CRY1: variants seen among roughly 807,000 people sequenced by gnomAD.
CRY1 encodes the protein cryptochrome-1.
CRY1 carries 45 observed loss-of-function variants against 76.0 expected under a neutral mutation model. The observed-to-expected ratio is 0.59, with a 90% CI of 0.47 to 0.76. The LOEUF is 0.76. Ranked by LOEUF, CRY1 falls within the 30% of genes least tolerant of loss-of-function variation. The pLI is 0.00. For missense variants in CRY1, 587 were observed against 716.4 expected, an observed-to-expected ratio of 0.82 and a Z score of 2.06; for synonymous variants, 248 against 244.0, an observed-to-expected ratio of 1.02 and a Z score of -0.15.
At chr12:106,992,042 T>C (rs1341181967) in intron 12 of CRY1, 41 bp from the exon 13 acceptor site, 1 of 152,148 alleles carries the variant, frequency 6.6e-6, no homozygotes, top group African/African-American at 2.4e-5. Flanking sequence ...TAAAGCTTGA[T>C]TGCAAATAAT....
At chr12:107,009,603 A>T (rs10861692) in intron 2 of CRY1, among the ~76,000 whole-genome samples, 568 of 7,592 alleles carry the variant, frequency 0.075, 31 homozygotes, top group East Asian at 0.28. Flanking sequence ...TATATATATA[A>T]AATCTCTATA....
At chr12:107,064,939 A>G (rs1001932396) in intron 1 of CRY1, among the ~76,000 whole-genome samples, 1 of 152,202 alleles carries the variant, frequency 6.6e-6, no homozygotes, top group African/African-American at 2.4e-5. Context: ...CTGGACAATG[A>G]TATCAAGCCA....
chr12:107,015,597 C>T (rs775822763), intron 2 of CRY1, among the ~76,000 whole-genome samples: 4 of 152,296 alleles, frequency 2.6e-5, no homozygotes, highest in East Asian at 1.9e-4. Flanking sequence ...TTAAGCAACA[C>T]GTAGTTACCT....
intron 1 of CRY1, among the ~76,000 whole-genome samples, chr12:107,070,567 G>A (rs1953176221): frequency 6.6e-6 from 1 of 151,928 alleles, no homozygotes; most frequent in Non-Finnish European, 1.5e-5. Flanking sequence ...AAACAAGGAA[G>A]AGACCTTACA....
chr12:107,054,235 G>A (rs968893079), intron 1 of CRY1, among the ~76,000 whole-genome samples: 6 of 151,984 alleles, frequency 3.9e-5, no homozygotes, highest in East Asian at 1.9e-4. Context: ...TAGAGTTTGC[G>A]TTTCAAGGGC....
intron 1 of CRY1, among the ~76,000 whole-genome samples, chr12:107,026,057 G>A (rs920803726): frequency 5.6e-5 from 4 of 71,992 alleles, no homozygotes. Context: ...TCCTTCAGAG[G>A]ATGAAAAAAT....
At chr12:107,043,484 T>C (rs1952821048) in intron 1 of CRY1, among the ~76,000 whole-genome samples, 1 of 152,134 alleles carries the variant, frequency 6.6e-6, no homozygotes, top group South Asian at 2.1e-4. Flanking sequence ...TATCACCCTC[T>C]GGGAATAGGT....
At chr12:107,042,474 A>G (rs1952809080) in intron 1 of CRY1, among the ~76,000 whole-genome samples, 1 of 152,214 alleles carries the variant, frequency 6.6e-6, no homozygotes, top group Non-Finnish European at 1.5e-5. Flanking sequence ...ATATAAAAAA[A>G]AGGCACATCA....
At chr12:107,030,061 AG>A in intron 1 of CRY1, among the ~76,000 whole-genome samples, 1 of 152,330 alleles carries the variant, frequency 6.6e-6, no homozygotes. Context: ...GCCTGCAACT[AG>A]GCCTTGTTCA....
intron 2 of CRY1, among the ~76,000 whole-genome samples, chr12:107,020,912 T>C (rs1300313325): frequency 1.3e-5 from 2 of 152,076 alleles, no homozygotes; most frequent in African/African-American, 2.4e-5. Context: ...AATTTTTTCA[T>C]TTGGAAAAAA....
At chr12:107,026,098 A>AACATATATATAAAATATATATATT (rs1565829006) in intron 1 of CRY1, among the ~76,000 whole-genome samples, 1 of 48,754 alleles carries the variant, frequency 2.1e-5, no homozygotes, top group East Asian at 7.9e-4. Context: ...TTATATATAT[A>AACATATATATAAAATATATATATT]ACATATATAT....
chr12:107,030,384 C>T (rs763117796), intron 1 of CRY1, among the ~76,000 whole-genome samples: 24 of 152,128 alleles, frequency 1.6e-4, no homozygotes, highest in Non-Finnish European at 3.2e-4. Context: ...TCTCTGACTC[C>T]AAACCATAGT....
Position 107,062,167 on chromosome 12 carries a change from A to G in CRY1, c.158+30637T>C, listed in dbSNP as rs541558917. Among the ~76,000 whole-genome samples the G allele has an allele frequency of 1.4e-4, 21 of 152,128 alleles. No individual in the cohort carries two copies. The South Asian group carries it at 4.1e-3, about 30-fold the overall frequency. ...GTCACAGAAGTAACTTTTTATTGAC[A>G]TCGTATTATGAATAAATGTTTTCAT... is the stretch of plus-strand genomic sequence containing the variant. On this transcript the variant is annotated intron_variant, in intron 1 of 12. Coordinates refer to ENST00000008527, the MANE Select transcript of CRY1 (RefSeq NM_004075.5).
In CRY1 at chr12:106,999,814, A is replaced by G. The variant is rs1952281831; in HGVS notation, c.874T>C (p.Trp292Arg). Residue 292 changes from tryptophan to arginine, a missense_variant, in exon 7 of 13, where the codon TGG (tryptophan) becomes CGG (arginine). Physicochemically the swap from Trp to Arg is moderately radical, Grantham distance 101. Transcript: ENST00000008527. ...GCTGCTGTATAGAAAAATTCACGCCATAACAGTTGCCCATAAAGGGAAAGG... is the reference window on the plus strand; with the variant it reads ...GCTGCTGTATAGAAAAATTCACGCCGTAACAGTTGCCCATAAAGGGAAAGG... Reference protein sequence around the residue: ...PPLSLYGQLLWREFFYTAATN... With the variant: ...PPLSLYGQLLRREFFYTAATN... The G allele has an allele frequency of 3.1e-6, 5 of 1,614,172 alleles. No individual in the cohort carries two copies. The highest frequency in any genetic ancestry group is 1.3e-5 in the African/African-American group (1 of 75,062).
intron 1 of CRY1, among the ~76,000 whole-genome samples, chr12:107,041,782 GACT>G (rs1221689098): frequency 2.1e-5 from 3 of 141,892 alleles, no homozygotes; most frequent in African/African-American, 7.9e-5. Flanking sequence ...ATAGTGGTAG[GACT>G]ATGGGGTGGG....
chr12:107,059,616 A>C (rs1953025606), intron 1 of CRY1, among the ~76,000 whole-genome samples: 1 of 152,194 alleles, frequency 6.6e-6, no homozygotes. Context: ...CAGCTGTACA[A>C]TTTAATAAAT....
intron 1 of CRY1, among the ~76,000 whole-genome samples, chr12:107,031,681 T>A (rs1227015571): frequency 6.6e-6 from 1 of 152,062 alleles, no homozygotes; most frequent in Non-Finnish European, 1.5e-5. Context: ...CAAACCCCCA[T>A]AACCCTAGTT....
rs539161226 is a variant in CRY1, at chr12:106,991,718, C to T, written c.*284G>A. Reference sequence around the variant, plus strand: ...TATCAATTTGTCATTTTAACTTTACCATACATGAAAAATTATCAAAAATAT... The same window carrying T: ...TATCAATTTGTCATTTTAACTTTACTATACATGAAAAATTATCAAAAATAT... On this transcript the variant is annotated 3_prime_UTR_variant, in exon 13 of 13. Coordinates refer to ENST00000008527, the MANE Select transcript of CRY1 (RefSeq NM_004075.5). The T allele has an allele frequency of 3.0e-4, 45 of 152,500 alleles. No homozygotes were observed. The highest frequency in any genetic ancestry group is 1.1e-3 in the African/African-American group (44 of 41,502). 9.4% of individuals were successfully genotyped at this position (152,500 alleles called of 1,614,324 possible).
intron 1 of CRY1, among the ~76,000 whole-genome samples, chr12:107,056,288 C>T (rs1245642888): frequency 6.6e-6 from 1 of 152,160 alleles, no homozygotes; most frequent in East Asian, 1.9e-4. Flanking sequence ...TGCCTTGGCA[C>T]TCAGCAGAAA....
Sources: allele counts gnomAD v4.1 joint callset (sites outside exome capture counted in the v4.1 genomes callset), GRCh38; gene constraint gnomAD v4.1.1; transcripts MANE v1.5; gene names NCBI Gene and HGNC (gene_info 2026-07-23, HGNC 2026-07-21).